DUSP16: variants seen among roughly 807,000 people sequenced by gnomAD.
DUSP16 encodes the protein dual specificity phosphatase 16.
Under a neutral mutation model 58.3 loss-of-function variants are expected in DUSP16, and 21 were observed. That is an observed-to-expected ratio of 0.36 (90% CI 0.26 to 0.52). DUSP16 has a LOEUF of 0.52. Among genes scored for constraint, DUSP16 ranks in the 20% least tolerant of loss-of-function variants. The pLI, the probability that DUSP16 is intolerant of heterozygous loss-of-function variation, is 0.94. For synonymous variants in DUSP16, 320 were observed against 323.8 expected (o/e 0.99, Z 0.12); for missense variants, 726 against 819.0 (o/e 0.89, Z 1.39).
At chr12:12,510,384 C>T (rs921720773) in intron 3 of DUSP16, among the ~76,000 whole-genome samples, 5 of 152,238 alleles carry the variant, frequency 3.3e-5, no homozygotes, top group African/African-American at 4.8e-5. Context: ...ATGAATCACA[C>T]TATACAGCTC....
intron 1 of DUSP16, among the ~76,000 whole-genome samples, chr12:12,539,539 G>A (rs867463635): frequency 6.6e-6 from 1 of 152,256 alleles, no homozygotes; most frequent in Non-Finnish European, 1.5e-5. Context: ...ATGAATGCAC[G>A]TTAAATAAAT....
chr12:12,530,934 A>G (rs1297689964), intron 1 of DUSP16, among the ~76,000 whole-genome samples: 1 of 152,182 alleles, frequency 6.6e-6, no homozygotes, highest in Non-Finnish European at 1.5e-5. Flanking sequence ...AGAAGGATCA[A>G]ATACTTAACA....
Position 12,520,894 on chromosome 12 carries a change from T to A in DUSP16, c.205A>T (p.Ile69Phe). The change falls in exon 2 of 7, where the codon ATC (isoleucine) becomes TTC (phenylalanine). Residue 69 changes from isoleucine (I) to phenylalanine (F), a missense_variant. Ile to Phe is a conservative substitution (Grantham distance 21). Coordinates refer to ENST00000298573, the MANE Select transcript of DUSP16 (RefSeq NM_030640.3). ...QQDKVLITEL[I>F]QHSAKHKVDI... ...ACCTTATGTTTCGCTGAATGCTGGA[T>A]GAGCTCTGTAATTAACACTTTGTCC... The A allele has an allele frequency of 6.2e-7, 1 of 1,614,146 alleles. No individual in the cohort carries two copies. The highest frequency in any genetic ancestry group is 8.5e-7 in the Non-Finnish European group (1 of 1,179,940).
At chr12:12,533,852 G>A (rs1176553776) in intron 1 of DUSP16, among the ~76,000 whole-genome samples, 4 of 152,130 alleles carry the variant, frequency 2.6e-5, no homozygotes, top group African/African-American at 9.7e-5. Flanking sequence ...TGTATAATGA[G>A]GAATTCAGTG....
rs1323945737 is a variant in DUSP16 at position 12,521,202 on chromosome 12, TGA to T, written c.-106_-105del. 12 of 1,517,934 alleles carry T rather than the reference TGA, an allele frequency of 7.9e-6. No homozygotes were observed. The highest frequency in any genetic ancestry group is 1.1e-5 in the Non-Finnish European group (12 of 1,133,268). 94.0% of individuals were successfully genotyped at this position (1,517,934 alleles called of 1,614,324 possible). A position where few individuals can be genotyped will look rare whatever the true frequency, so the allele number is the denominator to read the frequency against. ...GCCACTCCATTGTACTAAAAGTGTA[TGA>T]GGTCAGGCTGGTGGTGACTGGCAAA... On this transcript the variant is annotated 5_prime_UTR_variant, in exon 2 of 7. It introduces an in-frame stop codon into an upstream open reading frame of the 5' UTR. Transcript: ENST00000298573.
chr12:12,483,274 A>G, intron 5 of DUSP16, among the ~76,000 whole-genome samples: 1 of 152,322 alleles, frequency 6.6e-6, no homozygotes, highest in East Asian at 1.9e-4. Flanking sequence ...AAAAAGGAGG[A>G]ACTTCAGATA....
chr12:12,476,783 T>G lies in DUSP16; in HGVS notation c.*50A>C, dbSNP rs1943446529. 1 of 1,496,160 alleles carries G rather than the reference T, an allele frequency of 6.7e-7. No individual in the cohort carries two copies. Among genetic ancestry groups the G allele is most frequent in the East Asian group, 2.3e-5 (1 of 44,186 alleles). The allele number at this position is 1,496,160 out of a possible 1,614,324, so 92.7% of individuals were successfully genotyped here. On this transcript the variant is annotated 3_prime_UTR_variant, in exon 7 of 7. Coordinates refer to ENST00000298573, the MANE Select transcript of DUSP16 (RefSeq NM_030640.3). ...ATTTCAGATTTACAGGGAATTTTTT[T>G]GTGAACAAGAAAAAAAAATTGTCTA... is the stretch of plus-strand genomic sequence containing the variant.
chr12:12,480,486 CA>C (rs1943544023), intron 5 of DUSP16, 140 bp from the exon 6 acceptor site: 9 of 994,344 alleles, frequency 9.1e-6, no homozygotes, highest in East Asian at 2.7e-5. Flanking sequence ...TTTATCCTCG[CA>C]ATATTCTTTT....
chr12:12,553,699 C>A (rs140081674), intron 1 of DUSP16, among the ~76,000 whole-genome samples: 1 of 151,960 alleles, frequency 6.6e-6, no homozygotes, highest in Admixed American at 6.6e-5. Context: ...TGCACCATCA[C>A]ACCCAGCCAA....
chr12:12,496,503 T>TAA (rs1197768437), intron 4 of DUSP16, among the ~76,000 whole-genome samples: 1 of 152,182 alleles, frequency 6.6e-6, no homozygotes, highest in African/African-American at 2.4e-5. Flanking sequence ...GCAGATTATT[T>TAA]AAATGGAGAA....
intron 1 of DUSP16, among the ~76,000 whole-genome samples, chr12:12,541,688 C>T (rs570248210): frequency 1.3e-5 from 2 of 152,276 alleles, no homozygotes; most frequent in African/African-American, 4.8e-5. Flanking sequence ...ACATGTGTTC[C>T]ACCACAAACC....
rs898562125 is a variant in DUSP16 at position 12,475,182 on chromosome 12, A to T, written c.*1651T>A. The T allele has an allele frequency of 6.6e-6, 1 of 152,228 alleles. No individual in the cohort carries two copies. Among genetic ancestry groups the T allele is most frequent in the South Asian group, 2.1e-4 (1 of 4,826 alleles). 9.4% of individuals were successfully genotyped at this position (152,228 alleles called of 1,614,324 possible). On this transcript the variant is annotated 3_prime_UTR_variant, in exon 7 of 7. Transcript: ENST00000298573. ...GAAAAACCTGAGATACGAGGCAGCA[A>T]CTAGCGACACTTACAGGAAGGGAAA...
At chr12:12,519,421 T>TA (rs2136231129) in intron 3 of DUSP16, among the ~76,000 whole-genome samples, 1 of 152,368 alleles carries the variant, frequency 6.6e-6, no homozygotes, top group East Asian at 1.9e-4. Context: ...CCATAAGGCT[T>TA]ATCTCTGGAG....
In DUSP16 at chr12:12,536,454, G is replaced by C. The variant is rs181755174; in HGVS notation, c.-365-14991C>G. On this transcript the variant is annotated intron_variant, in intron 1 of 6. Transcript: ENST00000298573. ...CCAGAATAATTAGACATAATAAAAG[G>C]CTGAAATAGGCCGGGCACAGTGGCT... Among the ~76,000 whole-genome samples, 8 of 152,216 alleles carry C rather than the reference G, an allele frequency of 5.3e-5. No individual in the cohort carries two copies. The East Asian group carries it at 1.4e-3, about 26-fold the overall frequency.
intron 1 of DUSP16, among the ~76,000 whole-genome samples, chr12:12,545,077 T>C (rs964665043): frequency 1.4e-4 from 22 of 152,242 alleles, no homozygotes; most frequent in Admixed American, 1.3e-3. Context: ...TGCACTGCCA[T>C]ATGAATTTTA....
chr12:12,520,717 A>G (rs1175253686), intron 2 of DUSP16, among the ~76,000 whole-genome samples, 154 bp downstream of exon 2: 3 of 152,236 alleles, frequency 2.0e-5, no homozygotes, highest in Non-Finnish European at 4.4e-5. Context: ...TATGGACAAT[A>G]AATTATTTTG....
intron 1 of DUSP16, among the ~76,000 whole-genome samples, chr12:12,552,542 A>AC (rs1275874331): frequency 1.3e-5 from 2 of 152,168 alleles, no homozygotes; most frequent in Admixed American, 1.3e-4. Context: ...AAAATACCCC[A>AC]CCCTTCTTCA....
chr12:12,510,542 G>A (rs138425269), intron 3 of DUSP16, among the ~76,000 whole-genome samples: 3 of 152,328 alleles, frequency 2.0e-5, no homozygotes, highest in Admixed American at 1.3e-4. Flanking sequence ...TCATAGAGCA[G>A]TGAGGGAGAA....
rs1251745507 is a variant in DUSP16 at position 12,475,537 on chromosome 12, T to C, written c.*1296A>G. The C allele has an allele frequency of 2.0e-5, 3 of 152,206 alleles. No individual in the cohort carries two copies. Among genetic ancestry groups the C allele is most frequent in the African/African-American group, 7.2e-5 (3 of 41,446 alleles). The allele number at this position is 152,206 out of a possible 1,614,324, so 9.4% of individuals were successfully genotyped here. Reference sequence around the variant, plus strand: ...TTCACAACTGATCAAAACTCAATGGTCTTCTCAGCTTTCTCAACCGTTTTA... The same window carrying C: ...TTCACAACTGATCAAAACTCAATGGCCTTCTCAGCTTTCTCAACCGTTTTA... On this transcript the variant is annotated 3_prime_UTR_variant, in exon 7 of 7. Coordinates refer to ENST00000298573, the MANE Select transcript of DUSP16 (RefSeq NM_030640.3).
Sources: gnomAD v4.1 joint callset for allele counts (sites outside exome capture counted in the v4.1 genomes callset) on GRCh38, gnomAD v4.1.1 for gene constraint, MANE v1.5 for transcripts, NCBI Gene and HGNC (gene_info 2026-07-23, HGNC 2026-07-21) for gene names.